TTLL13: variants seen among roughly 807,000 people sequenced by gnomAD.
TTLL13 encodes the protein tubulin tyrosine ligase like 13, also known as tubulin polyglutamylase TTLL13.
the TTLL13 span, chr15:90,262,502 G>A: frequency 1.3e-6 from 2 of 1,498,682 alleles, no homozygotes; most frequent in Non-Finnish European, 8.8e-7. Flanking sequence ...GCAGCAACTA[G>A]AGGAGATCCG....
At chr15:90,263,347 G>C in the TTLL13 span, 1 of 541,178 alleles carries the variant, frequency 1.8e-6, no homozygotes, top group Admixed American at 3.5e-5. Flanking sequence ...TTTTAGATAT[G>C]ACATCCAGCA....
At chr15:90,254,817 G>T in the TTLL13 span, among the ~76,000 whole-genome samples, 3 of 152,168 alleles carry the variant, frequency 2.0e-5, no homozygotes, top group Non-Finnish European at 4.4e-5. Context: ...CTGCACTCCA[G>T]CCTGGGCGAC....
At chr15:90,251,038 C>A in the TTLL13 span, 1 of 1,051,206 alleles carries the variant, frequency 9.5e-7, no homozygotes, top group Non-Finnish European at 1.3e-6. Flanking sequence ...CCCTTTGATA[C>A]AACAGAAACA....
At chr15:90,254,624 A>T in the TTLL13 span, among the ~76,000 whole-genome samples, 224 of 151,544 alleles carry the variant, frequency 1.5e-3, 1 homozygote, top group Middle Eastern at 6.9e-3. Flanking sequence ...GATTGCTTGA[A>T]CTCAGGACTT....
chr15:90,259,873 A>T, the TTLL13 span, among the ~76,000 whole-genome samples: 3,260 of 152,362 alleles, frequency 0.021, 105 homozygotes, highest in African/African-American at 0.071. Flanking sequence ...CTAAAATTGT[A>T]ATTTGTTAAT....
chr15:90,259,083 C>T, the TTLL13 span: 2 of 1,444,802 alleles, frequency 1.4e-6, no homozygotes. Context: ...AATCACAGGA[C>T]CAGGCTTGGT....
chr15:90,255,723 CT>C, the TTLL13 span: 1 of 1,614,020 alleles, frequency 6.2e-7, no homozygotes, highest in Non-Finnish European at 8.5e-7. Context: ...GCCACTTACT[CT>C]GGGGGCTCAT....
At chr15:90,265,235 T>C in the TTLL13 span, 1 of 1,323,150 alleles carries the variant, frequency 7.6e-7, no homozygotes, top group Non-Finnish European at 9.7e-7. Context: ...CCTGGGTTTA[T>C]CGCTAGGTGA....
chr15:90,257,117 C>T, the TTLL13 span: 7 of 1,607,640 alleles, frequency 4.4e-6, no homozygotes, highest in Admixed American at 1.7e-5. Flanking sequence ...ATTATTCCCT[C>T]ATGGGTTTGC....
chr15:90,258,053 C>A, the TTLL13 span: 2 of 1,614,144 alleles, frequency 1.2e-6, no homozygotes, highest in South Asian at 1.1e-5. Flanking sequence ...TGTCGACACT[C>A]AACATCTGGC....
chr15:90,251,638 T>C, the TTLL13 span: 2 of 1,596,276 alleles, frequency 1.3e-6, no homozygotes, highest in Admixed American at 3.3e-5. Flanking sequence ...CATAACATGG[T>C]GCCTACAGCT....
At chr15:90,254,682 C>A in the TTLL13 span, among the ~76,000 whole-genome samples, 158 of 151,856 alleles carry the variant, frequency 1.0e-3, 1 homozygote, top group Middle Eastern at 6.8e-3. Flanking sequence ...ACCAAAAATA[C>A]AAAAATAAAA....
chr15:90,256,691 T>C, the TTLL13 span, among the ~76,000 whole-genome samples: 1 of 151,008 alleles, frequency 6.6e-6, no homozygotes, highest in Non-Finnish European at 1.5e-5. Context: ...TCTCTCTACC[T>C]CTCTCTCTCT....
the TTLL13 span, chr15:90,258,326 G>A: frequency 5.6e-6 from 8 of 1,432,378 alleles, no homozygotes; most frequent in Non-Finnish European, 7.9e-6. Flanking sequence ...CCTTGAATAG[G>A]ACACCTGGGA....
the TTLL13 span, chr15:90,262,319 C>T: frequency 3.0e-5 from 34 of 1,150,868 alleles, no homozygotes; most frequent in Non-Finnish European, 4.0e-5. Flanking sequence ...TCCTATCAGA[C>T]TCTTAGTGAC....
chr15:90,265,054 A>T, the TTLL13 span: 1 of 1,422,552 alleles, frequency 7.0e-7, no homozygotes, highest in Non-Finnish European at 9.3e-7. Flanking sequence ...AATGACTGCC[A>T]CCAAGTTCCA....
the TTLL13 span, chr15:90,264,940 ACTC>A: frequency 6.5e-7 from 1 of 1,535,816 alleles, no homozygotes; most frequent in African/African-American, 1.4e-5. Flanking sequence ...GTTCCAGAGC[ACTC>A]CTCAACATCA....
chr15:90,264,836 T>C, the TTLL13 span: 1 of 1,535,866 alleles, frequency 6.5e-7, no homozygotes, highest in Non-Finnish European at 8.7e-7. Context: ...GGCATCTGAC[T>C]CATGGACTGA....
At chr15:90,256,596 T>TCC in the TTLL13 span, among the ~76,000 whole-genome samples, 79 of 34,898 alleles carry the variant, frequency 2.3e-3, 1 homozygote, top group East Asian at 0.015. Flanking sequence ...TTTCTTTCTT[T>TCC]CTTTCTTTCT....
Sources: allele counts gnomAD v4.1 joint callset (sites outside exome capture counted in the v4.1 genomes callset), GRCh38; gene constraint gnomAD v4.1.1; transcripts MANE v1.5; gene names NCBI Gene and HGNC (gene_info 2026-07-23, HGNC 2026-07-21).